The following TSPAN15 variants were observed in gnomAD, a reference collection of about 807,000 sequenced individuals.
TSPAN15 encodes the protein tetraspanin-15.
TSPAN15 carries 20 observed loss-of-function variants against 34.5 expected under a neutral mutation model. The ratio of observed to expected loss-of-function variants is 0.58; its 90% CI spans 0.41 to 0.84. The LOEUF (loss-of-function observed/expected upper bound fraction) is 0.84. Ranked by LOEUF, TSPAN15 falls within the 40% of genes least tolerant of loss-of-function variation. TSPAN15 has a pLI of 0.00. For missense variants in TSPAN15, 313 were observed against 386.1 expected (o/e 0.81, Z 1.59); for synonymous variants, 155 against 153.9 (o/e 1.01, Z -0.05).
chr10:69,512,870 T>A, the TSPAN15 span, among the ~76,000 whole-genome samples: 61 of 152,386 alleles, frequency 4.0e-4, no homozygotes, highest in South Asian at 8.3e-4. Flanking sequence ...TTTTTGTTGT[T>A]GTTACAAATA....
chr10:69,458,743 A>C (rs1259018319), intron 1 of TSPAN15, among the ~76,000 whole-genome samples: 1 of 152,156 alleles, frequency 6.6e-6, no homozygotes, highest in Non-Finnish European at 1.5e-5. Context: ...GGTTTGGAGA[A>C]CCTTCCAACA....
chr10:69,523,383 TC>T, the TSPAN15 span: 1 of 581,978 alleles, frequency 1.7e-6, no homozygotes, highest in Non-Finnish European at 3.2e-6. Context: ...TGCTGGGGTC[TC>T]CACCCCAAGC....
At chr10:69,532,117 C>G in the TSPAN15 span, among the ~76,000 whole-genome samples, 21 of 152,076 alleles carry the variant, frequency 1.4e-4, no homozygotes, top group Admixed American at 5.9e-4. Flanking sequence ...CTGCCAAAAG[C>G]AATCTACAAA....
At chr10:69,497,041 A>G (rs923293715) in intron 4 of TSPAN15, among the ~76,000 whole-genome samples, 4 of 152,184 alleles carry the variant, frequency 2.6e-5, no homozygotes, top group Non-Finnish European at 4.4e-5. Flanking sequence ...CAGAGCTGCC[A>G]TCCTTATTCT....
chr10:69,463,548 A>T (rs939476653), intron 1 of TSPAN15, among the ~76,000 whole-genome samples: 2 of 152,126 alleles, frequency 1.3e-5, no homozygotes, highest in Admixed American at 6.6e-5. Flanking sequence ...GGTGGCTCAC[A>T]CCTGTAATCC....
intron 5 of TSPAN15, among the ~76,000 whole-genome samples, chr10:69,500,943 G>A (rs1478704946): frequency 6.6e-6 from 1 of 152,180 alleles, no homozygotes; most frequent in Non-Finnish European, 1.5e-5. Context: ...GGGTGGTGGT[G>A]GTGGTGGTGG....
intron 5 of TSPAN15, among the ~76,000 whole-genome samples, chr10:69,500,210 G>C (rs1359364220): frequency 6.6e-6 from 1 of 152,178 alleles, no homozygotes; most frequent in Non-Finnish European, 1.5e-5. Context: ...GAAGGGAGTT[G>C]AGCAGTGATG....
downstream of TSPAN15, among the ~76,000 whole-genome samples, chr10:69,508,468 A>AAAAG (rs1554835861): frequency 7.2e-4 from 100 of 139,286 alleles, 1 homozygote; most frequent in Admixed American, 1.2e-3. Flanking sequence ...AAAAAAAAAA[A>AAAAG]AAGAAGAAGA....
At chr10:69,538,568 T>A in the TSPAN15 span, among the ~76,000 whole-genome samples, 1 of 152,110 alleles carries the variant, frequency 6.6e-6, no homozygotes, top group Non-Finnish European at 1.5e-5. Context: ...GTCACAGGAG[T>A]GTGGGACTCC....
the TSPAN15 span, among the ~76,000 whole-genome samples, chr10:69,515,648 G>A: frequency 6.6e-6 from 1 of 152,322 alleles, no homozygotes; most frequent in South Asian, 2.1e-4. Flanking sequence ...GGCCTGAGAA[G>A]CACCTGGAAA....
chr10:69,462,175 T>TTTG (rs1841282287), intron 1 of TSPAN15, among the ~76,000 whole-genome samples: 3 of 144,824 alleles, frequency 2.1e-5, no homozygotes, highest in Non-Finnish European at 3.0e-5. Flanking sequence ...TTTTTTTTTT[T>TTTG]TTTTTTGTAG....
chr10:69,460,886 G>A (rs1841237754), intron 1 of TSPAN15, among the ~76,000 whole-genome samples: 1 of 152,112 alleles, frequency 6.6e-6, no homozygotes, highest in African/African-American at 2.4e-5. Context: ...CAGGTCTGGA[G>A]GCCAAGCAGA....
chr10:69,454,714 G>A (rs35353201), intron 1 of TSPAN15, among the ~76,000 whole-genome samples: 17,568 of 152,182 alleles, frequency 0.12, 1,016 homozygotes, highest in African/African-American at 0.12. Context: ...CTACTTGGGA[G>A]GCTGAGGTAG....
At chr10:69,472,423 A>G (rs61848402) in intron 1 of TSPAN15, among the ~76,000 whole-genome samples, 10 of 151,986 alleles carry the variant, frequency 6.6e-5, no homozygotes, top group Non-Finnish European at 1.2e-4. Context: ...GATCACATCT[A>G]CCCCAGGGTT....
chr10:69,527,550 G>A, the TSPAN15 span, among the ~76,000 whole-genome samples: 1 of 145,612 alleles, frequency 6.9e-6, no homozygotes, highest in African/African-American at 2.5e-5. Context: ...AGCCGAGATC[G>A]CACCATTGGA....
At chr10:69,477,062 C>T (rs1462254924) in intron 1 of TSPAN15, among the ~76,000 whole-genome samples, 2 of 152,114 alleles carry the variant, frequency 1.3e-5, no homozygotes, top group Non-Finnish European at 2.9e-5. Context: ...GGAGAGAAGA[C>T]TGTTTTCTCC....
chr10:69,475,593 C>T (rs1211369996), intron 1 of TSPAN15, among the ~76,000 whole-genome samples: 1 of 152,212 alleles, frequency 6.6e-6, no homozygotes, highest in Non-Finnish European at 1.5e-5. Context: ...AGAAATTCCA[C>T]TCTCTGCCCT....
At chr10:69,495,423 G>C in intron 3 of TSPAN15, 171 bp from the exon 4 acceptor site, 1 of 600,240 alleles carries the variant, frequency 1.7e-6, no homozygotes, top group East Asian at 2.8e-5. Flanking sequence ...AGGATGTGTG[G>C]GTAGGGAGGT....
At chr10:69,455,994 A>G (rs752921581) in intron 1 of TSPAN15, among the ~76,000 whole-genome samples, 6 of 152,076 alleles carry the variant, frequency 3.9e-5, no homozygotes, top group Non-Finnish European at 8.8e-5. Flanking sequence ...CTGTTTTTGT[A>G]TGTGCATTTA....
Sources: gnomAD v4.1 joint callset for allele counts (sites outside exome capture counted in the v4.1 genomes callset) on GRCh38, gnomAD v4.1.1 for gene constraint, MANE v1.5 for transcripts, NCBI Gene and HGNC (gene_info 2026-07-23, HGNC 2026-07-21) for gene names.